BMPR1A: variants seen among roughly 807,000 people sequenced by gnomAD.
BMPR1A encodes bone morphogenetic protein receptor type 1A, also known as bone morphogenetic protein receptor type-1A.
In BMPR1A, 7 loss-of-function variants were observed where a neutral mutation model predicts 66.0. That is an observed-to-expected ratio of 0.11 (90% CI 0.06 to 0.20). The LOEUF is 0.20. Among genes scored for constraint, BMPR1A ranks in the 10% least tolerant of loss-of-function variants. The pLI, the probability that BMPR1A is intolerant of heterozygous loss-of-function variation, is 1.00. For synonymous variants in BMPR1A, 200 were observed against 229.7 expected, an observed-to-expected ratio of 0.87 and a Z score of 1.17; for missense variants, 408 against 669.1, an observed-to-expected ratio of 0.61 and a Z score of 4.31.
At chr10:86,905,410 C>A (rs1039828755) in intron 7 of BMPR1A, among the ~76,000 whole-genome samples, 1 of 152,154 alleles carries the variant, frequency 6.6e-6, no homozygotes, top group East Asian at 1.9e-4. Flanking sequence ...GGCAAGTATT[C>A]GTTTACTTAC....
intron 5 of BMPR1A, among the ~76,000 whole-genome samples, chr10:86,897,707 A>C (rs972378952): frequency 6.6e-6 from 1 of 152,118 alleles, no homozygotes; most frequent in Non-Finnish European, 1.5e-5. Context: ...CCTGGGTTCA[A>C]GTGATCCTCC....
At chr10:86,826,411 A>AACACACACACACACACACACACACACAC (rs34389289) in intron 1 of BMPR1A, among the ~76,000 whole-genome samples, 11 of 147,100 alleles carry the variant, frequency 7.5e-5, no homozygotes, top group African/African-American at 2.2e-4. Context: ...CAATCAAGGA[A>AACACACACACACACACACACACACACAC]ACACACACAC....
intron 1 of BMPR1A, among the ~76,000 whole-genome samples, chr10:86,788,781 A>G (rs1022164686): frequency 6.6e-6 from 1 of 151,782 alleles, no homozygotes; most frequent in Non-Finnish European, 1.5e-5. Flanking sequence ...TTATTTTTGT[A>G]TTTTTAGTAG....
At chr10:86,895,399 G>A (rs988784056) in intron 5 of BMPR1A, among the ~76,000 whole-genome samples, 11 of 152,164 alleles carry the variant, frequency 7.2e-5, no homozygotes, top group African/African-American at 2.6e-4. Flanking sequence ...TTAGTCAGGC[G>A]TGGTGGTGCG....
At chr10:86,889,642 T>C in intron 3 of BMPR1A, 1 of 203,906 alleles carries the variant, frequency 4.9e-6, no homozygotes, top group South Asian at 8.5e-5. Context: ...TTCATTGCAC[T>C]CCAGATGTGC....
intron 1 of BMPR1A, among the ~76,000 whole-genome samples, chr10:86,769,696 C>T (rs948500012): frequency 1.3e-5 from 2 of 152,166 alleles, no homozygotes; most frequent in Non-Finnish European, 2.9e-5. Context: ...TTCTCCTTCC[C>T]TTGGAGTGTC....
intron 1 of BMPR1A, among the ~76,000 whole-genome samples, chr10:86,806,716 G>GA (rs1457127759): frequency 1.3e-5 from 2 of 151,772 alleles, no homozygotes; most frequent in African/African-American, 4.8e-5. Context: ...CAAACCTGAC[G>GA]AAATTTTTTT....
At chr10:86,893,079 G>C (rs1646596235) in intron 5 of BMPR1A, among the ~76,000 whole-genome samples, 1 of 151,856 alleles carries the variant, frequency 6.6e-6, no homozygotes, top group Non-Finnish European at 1.5e-5. Context: ...AATCATCCTA[G>C]GTTGTCATGA....
chr10:86,868,778 GTTTTT>G (rs55872033), intron 2 of BMPR1A, among the ~76,000 whole-genome samples: 8 of 141,046 alleles, frequency 5.7e-5, no homozygotes, highest in Admixed American at 3.5e-4. Context: ...CTTTTCCTGT[GTTTTT>G]TTTTTTTTAA....
chr10:86,899,690 C>T (rs2133452545), intron 5 of BMPR1A, 104 bp from the exon 6 acceptor site: 2 of 1,171,078 alleles, frequency 1.7e-6, no homozygotes, highest in East Asian at 5.0e-5. Context: ...ATTTGCAGGC[C>T]CCTTTCACTC....
intron 5 of BMPR1A, among the ~76,000 whole-genome samples, chr10:86,893,787 CA>C (rs57732446): frequency 1.2e-3 from 166 of 133,282 alleles, no homozygotes; most frequent in African/African-American, 2.4e-3. Context: ...GACTCTGTCT[CA>C]AAAAAAAAAA....
chr10:86,895,098 A>C (rs899319118), intron 5 of BMPR1A, among the ~76,000 whole-genome samples: 6 of 152,210 alleles, frequency 3.9e-5, no homozygotes, highest in Admixed American at 3.9e-4. Context: ...AGTGTAGGCT[A>C]TGTCGGGATA....
intron 1 of BMPR1A, among the ~76,000 whole-genome samples, chr10:86,805,595 A>G (rs367720317): frequency 1.6e-4 from 24 of 151,312 alleles, no homozygotes; most frequent in South Asian, 4.2e-4. Context: ...CCGAGTAGCT[A>G]GGACTACAGG....
intron 2 of BMPR1A, among the ~76,000 whole-genome samples, chr10:86,872,805 T>C (rs931232568): frequency 4.6e-5 from 7 of 152,168 alleles, no homozygotes; most frequent in Non-Finnish European, 1.0e-4. Context: ...GTGCAGTGGC[T>C]CTTAACTGTT....
chr10:86,827,161 G>T (rs186161709), intron 1 of BMPR1A, among the ~76,000 whole-genome samples: 54 of 151,924 alleles, frequency 3.6e-4, no homozygotes, highest in Admixed American at 3.5e-3. Context: ...TCCTAAATTT[G>T]ATGTCATTCC....
intron 7 of BMPR1A, among the ~76,000 whole-genome samples, chr10:86,902,088 G>A (rs1843319015): frequency 6.6e-6 from 1 of 152,118 alleles, no homozygotes; most frequent in Non-Finnish European, 1.5e-5. Context: ...TCAAACTCCT[G>A]ACCTCAAGTG....
At chr10:86,783,041 T>G (rs1841460768) in intron 1 of BMPR1A, among the ~76,000 whole-genome samples, 7 of 152,202 alleles carry the variant, frequency 4.6e-5, no homozygotes, top group Admixed American at 3.9e-4. Context: ...TAGTTATTTT[T>G]TATTTATGGT....
At chr10:86,898,416 G>A (rs942018217) in intron 5 of BMPR1A, among the ~76,000 whole-genome samples, 2 of 151,900 alleles carry the variant, frequency 1.3e-5, no homozygotes, top group Admixed American at 6.6e-5. Context: ...TCATCTTCCT[G>A]GGATATAATT....
intron 2 of BMPR1A, among the ~76,000 whole-genome samples, chr10:86,843,860 G>A (rs772832244): frequency 5.3e-5 from 8 of 152,280 alleles, no homozygotes; most frequent in East Asian, 3.9e-4. Context: ...GTAGGGAGCC[G>A]AGTGAGGAGA....
Sources: gnomAD v4.1 joint callset for allele counts (sites outside exome capture counted in the v4.1 genomes callset) on GRCh38, gnomAD v4.1.1 for gene constraint, MANE v1.5 for transcripts, NCBI Gene and HGNC (gene_info 2026-07-23, HGNC 2026-07-21) for gene names.